CFAP43: variants seen among roughly 807,000 people sequenced by gnomAD.
CFAP43 encodes cilia and flagella associated protein 43, also known as cilia- and flagella-associated protein 43.
CFAP43 carries 155 observed loss-of-function variants against 218.9 expected under a neutral mutation model. That is an observed-to-expected ratio of 0.71 (90% CI 0.62 to 0.81). The LOEUF is 0.81. Among genes scored for constraint, CFAP43 ranks in the 30% least tolerant of loss-of-function variants. The pLI is 0.00. For synonymous variants in CFAP43, 645 were observed against 681.3 expected, an observed-to-expected ratio of 0.95 and a Z score of 0.83; for missense variants, 1,778 against 1,954.3, an observed-to-expected ratio of 0.91 and a Z score of 1.70.
rs1184912619 is a variant in CFAP43 at position 104,215,537 on chromosome 10, G to C, written c.417-1111C>G. On this transcript the variant is annotated intron_variant, in intron 3 of 37. Coordinates refer to ENST00000357060, the MANE Select transcript of CFAP43 (RefSeq NM_025145.7). Reference sequence around the variant, plus strand: ...CATCCCTGGATGGAGACAACTGAAAGCCTGGGCTGCTAGAGACATGGGAAC... The same window carrying C: ...CATCCCTGGATGGAGACAACTGAAACCCTGGGCTGCTAGAGACATGGGAAC... Among the ~76,000 whole-genome samples the C allele has an allele frequency of 4.6e-5, 7 of 152,208 alleles. No individual in the cohort carries two copies. In the East Asian group the frequency reaches 1.2e-3, roughly 25 times the overall value.
At chr10:104,215,880 G>A (rs1209969462) in intron 3 of CFAP43, among the ~76,000 whole-genome samples, 1 of 152,034 alleles carries the variant, frequency 6.6e-6, no homozygotes, top group Non-Finnish European at 1.5e-5. Flanking sequence ...ACAATGGAAG[G>A]TGTGTCCTTC....
At chr10:104,151,207 G>A (rs1452414286) in intron 28 of CFAP43, among the ~76,000 whole-genome samples, 1 of 152,172 alleles carries the variant, frequency 6.6e-6, no homozygotes, top group East Asian at 1.9e-4. Context: ...GTGAACATAT[G>A]CATGCATGTG....
intron 5 of CFAP43, among the ~76,000 whole-genome samples, chr10:104,208,265 AAGAC>A (rs2090756389): frequency 6.6e-6 from 1 of 152,204 alleles, no homozygotes; most frequent in Non-Finnish European, 1.5e-5. Context: ...ATAAATCACA[AAGAC>A]AGACTTAACT....
At position 104,178,953 on chromosome 10, in the gene CFAP43, T is replaced by C. The variant is rs538575943; in HGVS notation, c.2460+76A>G. The C allele has an allele frequency of 4.8e-5, 54 of 1,122,376 alleles. No individual in the cohort carries two copies. In the Admixed American group the frequency reaches 7.9e-4, roughly 16 times the overall value. The allele number at this position is 1,122,376 out of a possible 1,614,324, so 69.5% of individuals were successfully genotyped here. Reference sequence around the variant, plus strand: ...AAAAGGGAGGTATAGTTCCTCAGGGTAGAACAAAATTAAGTTCAAAAAGTA... The same window carrying C: ...AAAAGGGAGGTATAGTTCCTCAGGGCAGAACAAAATTAAGTTCAAAAAGTA... On this transcript the variant is annotated intron_variant, in intron 19 of 37. Transcript: ENST00000357060.
intron 10 of CFAP43, among the ~76,000 whole-genome samples, chr10:104,194,705 T>C (rs1386641451): frequency 1.3e-5 from 2 of 152,246 alleles, no homozygotes; most frequent in Non-Finnish European, 2.9e-5. Context: ...AAATTGACTT[T>C]CATAATACTA....
intron 13 of CFAP43, 83 bp from the exon 14 acceptor site, chr10:104,187,575 G>T: frequency 8.1e-7 from 1 of 1,227,686 alleles, no homozygotes; most frequent in Non-Finnish European, 1.1e-6. Flanking sequence ...ATTATGAAAA[G>T]CAAAATAAAA....
intron 3 of CFAP43, 102 bp downstream of exon 3, chr10:104,225,359 C>T: frequency 1.1e-6 from 1 of 940,588 alleles, no homozygotes; most frequent in Non-Finnish European, 1.5e-6. Flanking sequence ...TCTATATTTC[C>T]TTGTTTCAGA....
At chr10:104,147,799 G>A in intron 29 of CFAP43, 92 bp downstream of exon 29, 1 of 760,446 alleles carries the variant, frequency 1.3e-6, no homozygotes, top group Non-Finnish European at 1.9e-6. Context: ...GTGCAAGGAA[G>A]GAAGGAAGGG....
chr10:104,195,700 A>G (rs372807197), intron 10 of CFAP43, among the ~76,000 whole-genome samples: 82 of 152,376 alleles, frequency 5.4e-4, no homozygotes, highest in African/African-American at 1.9e-3. Flanking sequence ...TTTTAAAAAA[A>G]GAAAGCATTA....
At chr10:104,183,625 A>G (rs551594855) in intron 16 of CFAP43, among the ~76,000 whole-genome samples, 4 of 152,094 alleles carry the variant, frequency 2.6e-5, no homozygotes, top group Non-Finnish European at 4.4e-5. Flanking sequence ...TCCTGACCTC[A>G]TGATCCACCC....
At chr10:104,157,736 A>ATGTGTGTGTG (rs71485761) in intron 27 of CFAP43, among the ~76,000 whole-genome samples, 85 of 107,184 alleles carry the variant, frequency 7.9e-4, no homozygotes, top group African/African-American at 3.2e-3. Flanking sequence ...AGCTAACTGG[A>ATGTGTGTGTG]TGTGTGTGTG....
chr10:104,221,950 G>C (rs1385713184), intron 3 of CFAP43, among the ~76,000 whole-genome samples: 2 of 152,080 alleles, frequency 1.3e-5, no homozygotes, highest in African/African-American at 4.8e-5. Context: ...ATGAACCCCA[G>C]ATGTCCCAGA....
At chr10:104,228,021 T>C (rs2091349898) in intron 2 of CFAP43, among the ~76,000 whole-genome samples, 1 of 152,042 alleles carries the variant, frequency 6.6e-6, no homozygotes, top group African/African-American at 2.4e-5. Flanking sequence ...CTTTTGTATT[T>C]TTAGTAAAGA....
In CFAP43 at chr10:104,188,311, C is replaced by A; in HGVS notation, c.1646G>T (p.Ser549Ile). The change falls in exon 13 of 38, where the codon AGC becomes ATC. Residue 549 changes from serine to isoleucine, a missense_variant. Transcript: ENST00000357060. ...VLSSLPEAGRSRLEMFTLPTL... is the reference protein window; with the variant it reads ...VLSSLPEAGRIRLEMFTLPTL... ...AGGCAGTGTGAACATCTCCAACCTG[C>A]TTCTCCCTGCTTCTGGAAGCGAGGA... 1 of 1,614,118 alleles carries A rather than the reference C, an allele frequency of 6.2e-7. No individual in the cohort carries two copies. Among genetic ancestry groups the A allele is most frequent in the Non-Finnish European group, 8.5e-7 (1 of 1,180,000 alleles).
At position 104,186,066 on chromosome 10, in the gene CFAP43, C is replaced by T; in HGVS notation, c.1918G>A (p.Gly640Arg). ...PYKKVQSRQYGPGLLYLSSHG... is the reference protein window; with the variant it reads ...PYKKVQSRQYRPGLLYLSSHG... ...GAAGACAGATAGAGCAGTCCAGGTC[C>T]ATACTGTCTGCTTTGTACTTTTTTG... Residue 640 changes from glycine (G) to arginine (R), a missense_variant, in exon 15 of 38, where the codon GGA becomes AGA. By Grantham distance (125) the Gly-to-Arg change is moderately radical (BLOSUM62 -2). This residue lies in a region of CFAP43 where 1,553 missense variants were observed against 1,685.2 expected (regional missense o/e 0.92). Coordinates refer to ENST00000357060, the MANE Select transcript of CFAP43 (RefSeq NM_025145.7). 1 of 1,592,800 alleles carries T rather than the reference C, an allele frequency of 6.3e-7. No homozygotes were observed. Among genetic ancestry groups the T allele is most frequent in the Non-Finnish European group, 8.5e-7 (1 of 1,173,766 alleles).
At chr10:104,189,379 T>C (rs897115361) in intron 12 of CFAP43, among the ~76,000 whole-genome samples, 4 of 152,222 alleles carry the variant, frequency 2.6e-5, no homozygotes, top group Non-Finnish European at 5.9e-5. Context: ...GTTTTGGCAC[T>C]TTCTGACTTA....
chr10:104,137,848 C>T (rs894876465), intron 34 of CFAP43, among the ~76,000 whole-genome samples: 6 of 152,082 alleles, frequency 3.9e-5, no homozygotes, highest in African/African-American at 1.4e-4. Context: ...AACTAGATAG[C>T]AGTACTAGCT....
At chr10:104,219,068 T>A (rs1284384065) in intron 3 of CFAP43, among the ~76,000 whole-genome samples, 1 of 152,122 alleles carries the variant, frequency 6.6e-6, no homozygotes, top group Non-Finnish European at 1.5e-5. Context: ...CGTTTGTTCA[T>A]CTCAAGCACT....
intron 3 of CFAP43, among the ~76,000 whole-genome samples, chr10:104,218,636 A>G (rs2091089169): frequency 2.0e-5 from 3 of 152,030 alleles, no homozygotes; most frequent in African/African-American, 7.3e-5. Context: ...GCATCTTCCT[A>G]CTGTCACTTG....
Sources: gnomAD v4.1 joint callset for allele counts (sites outside exome capture counted in the v4.1 genomes callset) on GRCh38, gnomAD v4.1.1 for gene constraint, gnomAD v4.1.1 regional missense constraint, MANE v1.5 for transcripts, NCBI Gene and HGNC (gene_info 2026-07-23, HGNC 2026-07-21) for gene names.